SV2C: variants seen among roughly 807,000 people sequenced by gnomAD.
SV2C encodes synaptic vesicle glycoprotein 2C.
Under a neutral mutation model 79.7 loss-of-function variants are expected in SV2C, and 49 were observed. The ratio of observed to expected loss-of-function variants is 0.61; its 90% CI spans 0.49 to 0.78. The LOEUF is 0.78. Ranked by LOEUF, SV2C falls within the 30% of genes least tolerant of loss-of-function variation. The probability of loss-of-function intolerance (pLI) is 0.00; values close to 1 mark genes in which losing one functional copy is unlikely to be tolerated. For missense variants in SV2C, 833 were observed against 912.9 expected (o/e 0.91, Z 1.13); for synonymous variants, 334 against 333.2 (o/e 1.00, Z -0.03).
rs187175498 is a variant in SV2C at position 76,263,108 on chromosome 5, G to C, written c.914-22054G>C. On this transcript the variant is annotated intron_variant, in intron 4 of 12. Coordinates refer to ENST00000502798, the MANE Select transcript of SV2C (RefSeq NM_014979.4). ...TTTAAGAACTTGTTTTATGAATCTG[G>C]GTGCTCCTATATTTGGTGCAAATAT... Among the ~76,000 whole-genome samples, 238 of 152,116 alleles carry C rather than the reference G, an allele frequency of 1.6e-3. 3 individuals are homozygous for C. The highest frequency in any genetic ancestry group is 4.1e-4 in the Non-Finnish European group (28 of 68,000).
At chr5:75,911,063 G>A in the SV2C span, 1 of 1,251,134 alleles carries the variant, frequency 8.0e-7, no homozygotes, top group East Asian at 2.3e-5. Context: ...CGCAACAACT[G>A]AAGATCTGGA....
At chr5:76,306,175 G>C (rs1333308013) in intron 12 of SV2C, among the ~76,000 whole-genome samples, 1 of 152,160 alleles carries the variant, frequency 6.6e-6, no homozygotes, top group Non-Finnish European at 1.5e-5. Flanking sequence ...AGCTTACAAA[G>C]TAGCTGGAAC....
At chr5:76,052,001 T>C in the SV2C span, among the ~76,000 whole-genome samples, 8 of 152,322 alleles carry the variant, frequency 5.3e-5, no homozygotes, top group Middle Eastern at 3.4e-3. Context: ...TTATCTTCAT[T>C]GTAGCCCATG....
intron 1 of SV2C, among the ~76,000 whole-genome samples, chr5:76,117,818 C>T (rs772290298): frequency 2.3e-4 from 35 of 152,002 alleles, no homozygotes; most frequent in Non-Finnish European, 4.9e-4. Flanking sequence ...TTTGGAAGTT[C>T]GGGAGGGCCT....
chr5:76,291,836 T>C lies in SV2C; in HGVS notation c.1317T>C (p.Val439=). ...ATAATACAATAAAGCTTACAATTGTTTGGTTCACCCTGTCCTTTGGGTAAG... is the reference window on the plus strand; with the variant it reads ...ATAATACAATAAAGCTTACAATTGTCTGGTTCACCCTGTCCTTTGGGTAAG... ...VRDNTIKLTI[V]WFTLSFGYYG... is the part of the protein sequence containing the mutation. The change falls in exon 8 of 13, where the codon GTT becomes GTC. Residue 439 remains valine, a synonymous_variant. Coordinates refer to ENST00000502798, the MANE Select transcript of SV2C (RefSeq NM_014979.4). The C allele has an allele frequency of 6.2e-7, 1 of 1,609,420 alleles. No homozygotes were observed. Among genetic ancestry groups the C allele is most frequent in the East Asian group, 2.2e-5 (1 of 44,846 alleles).
chr5:76,059,639 T>C, the SV2C span, among the ~76,000 whole-genome samples: 9 of 152,102 alleles, frequency 5.9e-5, no homozygotes, highest in Non-Finnish European at 7.4e-5. Context: ...ACTTCCTCCA[T>C]TGAAGTCTCG....
the SV2C span, among the ~76,000 whole-genome samples, chr5:75,944,827 G>C: frequency 1.3e-5 from 2 of 152,180 alleles, no homozygotes; most frequent in South Asian, 4.2e-4. Context: ...TCCCAGCCCT[G>C]ACCCAGGGCC....
the SV2C span, among the ~76,000 whole-genome samples, chr5:75,888,562 C>T: frequency 8.5e-5 from 13 of 152,132 alleles, no homozygotes; most frequent in African/African-American, 3.1e-4. Context: ...TTCGCTGCCA[C>T]ATGGCTGTCT....
chr5:76,253,279 T>C (rs1746166810), intron 4 of SV2C, among the ~76,000 whole-genome samples: 1 of 152,150 alleles, frequency 6.6e-6, no homozygotes, highest in Admixed American at 6.5e-5. Flanking sequence ...TGATTTTTGT[T>C]TTTTTATGTT....
the SV2C span, among the ~76,000 whole-genome samples, chr5:76,016,264 AAAAAAAAGCTGTGC>A: frequency 3.3e-5 from 5 of 149,714 alleles, no homozygotes; most frequent in African/African-American, 4.9e-5. Flanking sequence ...TAAAAAAAAA[AAAAAAAAGCTGTGC>A]AATTCTTTCT....
Position 76,102,087 on chromosome 5 carries a change from AC to A in SV2C, c.-102+18577del, listed in dbSNP as rs567832869. Among the ~76,000 whole-genome samples, 643 of 152,268 alleles carry A rather than the reference AC, an allele frequency of 4.2e-3. 3 individuals are homozygous for A. The highest frequency in any genetic ancestry group is 0.015 in the African/African-American group (609 of 41,558). On this transcript the variant is annotated intron_variant, in intron 1 of 12. Coordinates refer to ENST00000502798, the MANE Select transcript of SV2C (RefSeq NM_014979.4). The stretch of plus-strand genomic sequence containing the variant: ...TTCATACCATTATCCTACCTGAATG[AC>A]CTTTGTAAAACACAAAAGCACCATG...
At chr5:76,194,814 C>T (rs1744220208) in intron 2 of SV2C, 105 bp from the exon 3 acceptor site, 23 of 1,360,074 alleles carry the variant, frequency 1.7e-5, no homozygotes, top group East Asian at 2.3e-5. Flanking sequence ...GGAAATTTTC[C>T]TCATGCAAAA....
At chr5:76,048,256 A>C in the SV2C span, among the ~76,000 whole-genome samples, 1 of 152,196 alleles carries the variant, frequency 6.6e-6, no homozygotes, top group African/African-American at 2.4e-5. Flanking sequence ...CTGGTGATGT[A>C]ATTCGGTCCA....
At chr5:75,888,409 A>G in the SV2C span, among the ~76,000 whole-genome samples, 1 of 151,870 alleles carries the variant, frequency 6.6e-6, no homozygotes, top group African/African-American at 2.4e-5. Flanking sequence ...CCCTTTCCCA[A>G]TTACCCAACC....
At chr5:76,001,381 A>T in the SV2C span, among the ~76,000 whole-genome samples, 1 of 152,136 alleles carries the variant, frequency 6.6e-6, no homozygotes, top group Non-Finnish European at 1.5e-5. Flanking sequence ...TGGGTGGATC[A>T]TGAGGTCAGG....
intron 1 of SV2C, among the ~76,000 whole-genome samples, chr5:76,088,365 A>G (rs1747265487): frequency 6.6e-6 from 1 of 152,228 alleles, no homozygotes; most frequent in African/African-American, 2.4e-5. Flanking sequence ...TATAACAAAA[A>G]TATTTTAGAC....
the SV2C span, among the ~76,000 whole-genome samples, chr5:76,035,957 T>C: frequency 1.3e-5 from 2 of 152,176 alleles, no homozygotes; most frequent in Non-Finnish European, 2.9e-5. Context: ...ATATTTAGGA[T>C]AGTTAGCTCT....
chr5:76,125,397 T>C (rs1204887138), intron 1 of SV2C, among the ~76,000 whole-genome samples: 1 of 152,154 alleles, frequency 6.6e-6, no homozygotes, highest in Non-Finnish European at 1.5e-5. Flanking sequence ...TGGTATTTTA[T>C]AATAGAGACA....
the SV2C span, among the ~76,000 whole-genome samples, chr5:75,897,449 C>T: frequency 1.3e-5 from 2 of 151,786 alleles, no homozygotes; most frequent in South Asian, 2.1e-4. Flanking sequence ...GTACCAGTAC[C>T]ATGCTGTTTT....
Sources: allele counts gnomAD v4.1 joint callset (sites outside exome capture counted in the v4.1 genomes callset), GRCh38; gene constraint gnomAD v4.1.1; transcripts MANE v1.5; gene names NCBI Gene and HGNC (gene_info 2026-07-23, HGNC 2026-07-21).